DCLK3: variants seen among roughly 807,000 people sequenced by gnomAD.
DCLK3 encodes the protein doublecortin like kinase 3.
A neutral mutation model predicts 46.4 loss-of-function variants in DCLK3; 30 were observed. The observed-to-expected ratio is 0.65, with a 90% CI of 0.48 to 0.88. DCLK3 has a LOEUF of 0.88. Among genes scored for constraint, DCLK3 ranks in the 40% least tolerant of loss-of-function variants. The probability of loss-of-function intolerance (pLI) is 0.00; values close to 1 mark genes in which losing one functional copy is unlikely to be tolerated. For synonymous variants in DCLK3, 401 were observed against 339.2 expected (o/e 1.18, Z -2.00); for missense variants, 846 against 907.1 (o/e 0.93, Z 0.87).
rs769321877 is a variant in DCLK3, at chr3:36,715,503, C to T, written c.2279G>A (p.Ser760Asn). Residue 760 changes from serine to asparagine, a missense_variant, in exon 5 of 5, where the codon AGC (serine) becomes AAC (asparagine). Ser to Asn is a conservative substitution (Grantham distance 46). Coordinates refer to ENST00000636136, the MANE Select transcript of DCLK3 (RefSeq NM_001394672.2). ...NISDAAKDLV[S>N]RLLVVDPKKR... ...TTTGGGGTCTACCACCAGCAACCGG[C>T]TCACCAGATCTTTAGCAGCTGTTGG... 2.6e-6 allele frequency: 4 copies of T among 1,521,020 alleles called. No homozygotes were observed. Among genetic ancestry groups the T allele is most frequent in the East Asian group, 2.4e-5 (1 of 41,282 alleles). The allele number at this position is 1,521,020 out of a possible 1,614,324, so 94.2% of individuals were successfully genotyped here.
At chr3:36,731,026 C>T in intron 2 of DCLK3, among the ~76,000 whole-genome samples, 1 of 151,974 alleles carries the variant, frequency 6.6e-6, no homozygotes, top group Non-Finnish European at 1.5e-5. Context: ...ACCTTCCAGG[C>T]CATGGAAATG....
chr3:36,713,078 C>T lies in DCLK3; in HGVS notation c.*2250G>A, dbSNP rs1327161368. 6.6e-6 allele frequency: 1 copy of T among 152,194 alleles called. No individual in the cohort carries two copies. Among genetic ancestry groups the T allele is most frequent in the Non-Finnish European group, 1.5e-5 (1 of 68,036 alleles). The allele number at this position is 152,194 out of a possible 1,614,324, so 9.4% of individuals were successfully genotyped here. A position where few individuals can be genotyped will look rare whatever the true frequency, so the allele number is the denominator to read the frequency against. Reference sequence around the variant, plus strand: ...CGGGAAGTTCCAGTCACTCTGCATCCTCGCTAGTAGTTGGTAAGGTCAGTC... The same window carrying T: ...CGGGAAGTTCCAGTCACTCTGCATCTTCGCTAGTAGTTGGTAAGGTCAGTC... On this transcript the variant is annotated 3_prime_UTR_variant, in exon 5 of 5. Coordinates refer to ENST00000636136, the MANE Select transcript of DCLK3 (RefSeq NM_001394672.2).
At chr3:36,728,578 G>A (rs762107839) in intron 2 of DCLK3, among the ~76,000 whole-genome samples, 41 of 152,094 alleles carry the variant, frequency 2.7e-4, no homozygotes, top group Non-Finnish European at 5.4e-4. Context: ...CATCAGAACT[G>A]CAGGCTTTCT....
chr3:36,742,926 T>C (rs1701358504), intron 1 of DCLK3, among the ~76,000 whole-genome samples: 1 of 152,146 alleles, frequency 6.6e-6, no homozygotes, highest in Non-Finnish European at 1.5e-5. Flanking sequence ...TAAGCACCAC[T>C]GTCCAGAACC....
At chr3:36,754,084 T>C (rs924213338) in intron 1 of DCLK3, among the ~76,000 whole-genome samples, 1 of 152,240 alleles carries the variant, frequency 6.6e-6, no homozygotes, top group Non-Finnish European at 1.5e-5. Context: ...TCTTCAGTTA[T>C]GCAGTCTTTG....
chr3:36,728,361 G>T (rs547686943), intron 2 of DCLK3, among the ~76,000 whole-genome samples: 5 of 152,110 alleles, frequency 3.3e-5, no homozygotes, highest in South Asian at 2.1e-4. Flanking sequence ...TATCATTGGT[G>T]GGGGGTGGGG....
At chr3:36,729,611 T>C (rs903352844) in intron 2 of DCLK3, 1 of 152,200 alleles carries the variant, frequency 6.6e-6, no homozygotes, top group Non-Finnish European at 1.5e-5. Context: ...CAATGGTACC[T>C]CAATTTAAAT....
Position 36,712,587 on chromosome 3 carries a change from A to C in DCLK3, c.*2741T>G, listed in dbSNP as rs1444134471. ...CCAAAGTTACCAAGTGTTCCCTTGC[A>C]ATCCTTCTGTCCCTCCTCTCCCCAT... On this transcript the variant is annotated 3_prime_UTR_variant, in exon 5 of 5. Transcript: ENST00000636136. The C allele has an allele frequency of 6.6e-6, 1 of 152,148 alleles. No homozygotes were observed. The highest frequency in any genetic ancestry group is 2.4e-5 in the African/African-American group (1 of 41,444). The allele number at this position is 152,148 out of a possible 1,614,324, so 9.4% of individuals were successfully genotyped here.
intron 1 of DCLK3, among the ~76,000 whole-genome samples, chr3:36,743,241 A>G (rs1039382517): frequency 6.9e-6 from 1 of 145,072 alleles, no homozygotes; most frequent in African/African-American, 2.5e-5. Flanking sequence ...GGGATGCTCA[A>G]CTGGTAAGTA....
chr3:36,716,344 C>A (rs1388565627), intron 4 of DCLK3, among the ~76,000 whole-genome samples: 2 of 152,130 alleles, frequency 1.3e-5, no homozygotes, highest in East Asian at 3.9e-4. Flanking sequence ...AGCTGCTTAC[C>A]CACCAATCAC....
chr3:36,726,718 A>T (rs1160066161), intron 2 of DCLK3, among the ~76,000 whole-genome samples: 1 of 152,180 alleles, frequency 6.6e-6, no homozygotes, highest in Non-Finnish European at 1.5e-5. Context: ...AATCTAATCA[A>T]TGTCTCCATA....
chr3:36,762,939 T>A (rs1213338326), intron 1 of DCLK3, among the ~76,000 whole-genome samples: 1 of 152,130 alleles, frequency 6.6e-6, no homozygotes, highest in African/African-American at 2.4e-5. Context: ...CCAATACTCT[T>A]TTCTTTTTTT....
In DCLK3 at chr3:36,764,220, G is replaced by T. The variant is rs1701565128; in HGVS notation, c.44C>A (p.Ala15Asp). ...CGCCGGGCAGGCTGGGGCTGGCCGG[G>T]CCGGGGGCGGCGGCGGCTGCGGGGC... ...TPAPQPPPPPARPAPACPARP... is the reference protein window; with the variant it reads ...TPAPQPPPPPDRPAPACPARP... Residue 15 changes from alanine (A) to aspartate (D), a missense_variant, in exon 1 of 5, where the codon GCC becomes GAC. By Grantham distance (126) the Ala-to-Asp change is moderately radical (BLOSUM62 -2). This residue lies in a region of DCLK3 where 553 missense variants were observed against 543.0 expected (regional missense o/e 1.02). Coordinates refer to ENST00000636136, the MANE Select transcript of DCLK3 (RefSeq NM_001394672.2). The surrounding 1 kb of genome is among the most constrained non-coding windows in gnomAD (Gnocchi z 4.9). 6.2e-6 allele frequency: 2 copies of T among 323,702 alleles called. No homozygotes were observed. Among genetic ancestry groups the T allele is most frequent in the Admixed American group, 5.0e-5 (1 of 19,986 alleles). The allele number at this position is 323,702 out of a possible 1,614,324, so 20.1% of individuals were successfully genotyped here.
intron 2 of DCLK3, among the ~76,000 whole-genome samples, chr3:36,723,958 A>G (rs1701094531): frequency 6.6e-6 from 1 of 152,206 alleles, no homozygotes; most frequent in South Asian, 2.1e-4. Context: ...AACTTGTACC[A>G]TGCACCTAGA....
In DCLK3 at chr3:36,715,413, G is replaced by A. The variant is rs1700964307; in HGVS notation, c.2369C>T (p.Thr790Ile). ...PWIETAGKTN[T>I]VKRQKQVSPS... Reference sequence around the variant, plus strand: ...GGACACCTGCTTCTGTCGTTTCACTGTATTGGTCTTGCCAGCTGTTTCGAT... The same window carrying A: ...GGACACCTGCTTCTGTCGTTTCACTATATTGGTCTTGCCAGCTGTTTCGAT... The change falls in exon 5 of 5, where the codon ACA (threonine) becomes ATA (isoleucine). Residue 790 changes from threonine (T) to isoleucine (I), a missense_variant. Physicochemically the swap from Thr to Ile is moderately conservative, Grantham distance 89 (BLOSUM62 -1). This residue lies in a region of DCLK3 where 46 missense variants were observed against 41.3 expected (regional missense o/e 1.11). Transcript: ENST00000636136. 1 of 1,614,108 alleles carries A rather than the reference G, an allele frequency of 6.2e-7. No homozygotes were observed. The highest frequency in any genetic ancestry group is 8.5e-7 in the Non-Finnish European group (1 of 1,179,990).
rs144587975 is a variant in DCLK3, at chr3:36,731,741, C to T, written c.1959+5467G>A. On this transcript the variant is annotated intron_variant, in intron 2 of 4. Transcript: ENST00000636136. ...CACTTCTCCCCATCTTTACTGCGGTCCCCAAGACCAAGCCACCATCATCTC... is the reference window on the plus strand; with the variant it reads ...CACTTCTCCCCATCTTTACTGCGGTTCCCAAGACCAAGCCACCATCATCTC... Among the ~76,000 whole-genome samples, 33 of 152,288 alleles carry T rather than the reference C, an allele frequency of 2.2e-4. 1 individual carries two copies. The South Asian group carries it at 6.2e-3, about 29-fold the overall frequency.
intron 1 of DCLK3, among the ~76,000 whole-genome samples, chr3:36,753,521 G>A (rs947047971): frequency 2.6e-5 from 4 of 152,090 alleles, no homozygotes; most frequent in African/African-American, 9.7e-5. Context: ...AAAAGAGCAA[G>A]AAAGGAAACA....
intron 1 of DCLK3, among the ~76,000 whole-genome samples, chr3:36,748,991 C>T (rs182015072): frequency 6.6e-6 from 1 of 152,176 alleles, no homozygotes; most frequent in Non-Finnish European, 1.5e-5. Flanking sequence ...CCCCTGGGGA[C>T]AGCTTCTCTT....
In DCLK3 at chr3:36,733,508, T is replaced by C. The variant is rs185558466; in HGVS notation, c.1959+3700A>G. ...CTATAAATAACCTGGCCTTTGCCCT[T>C]CCACCCTCTGTGAGCTGGTCTAATC... On this transcript the variant is annotated intron_variant, in intron 2 of 4. Transcript: ENST00000636136. Among the ~76,000 whole-genome samples the C allele has an allele frequency of 1.6e-3, 242 of 152,328 alleles. 1 individual carries two copies. Among genetic ancestry groups the C allele is most frequent in the South Asian group, 3.1e-3 (15 of 4,830 alleles).
Sources: allele counts gnomAD v4.1 joint callset (sites outside exome capture counted in the v4.1 genomes callset), GRCh38; gene constraint gnomAD v4.1.1; regional missense constraint gnomAD v4.1.1; non-coding constraint Gnocchi (gnomAD v3.1); transcripts MANE v1.5; gene names NCBI Gene and HGNC (gene_info 2026-07-23, HGNC 2026-07-21).